The following SEL1L variants were observed in gnomAD, a reference collection of about 807,000 sequenced individuals.
The protein encoded by SEL1L is protein sel-1 homolog 1.
In SEL1L, 52 loss-of-function variants were observed where a neutral mutation model predicts 109.8. The ratio of observed to expected loss-of-function variants is 0.47; its 90% CI spans 0.38 to 0.60. The LOEUF is 0.60. Among genes scored for constraint, SEL1L ranks in the 20% least tolerant of loss-of-function variants. SEL1L has a pLI of 0.00. For synonymous variants in SEL1L, 373 were observed against 339.6 expected (o/e 1.10, Z -1.08); for missense variants, 749 against 962.2 (o/e 0.78, Z 2.93).
At chr14:81,507,165 A>T (rs1446144520) in intron 3 of SEL1L, among the ~76,000 whole-genome samples, 4 of 152,242 alleles carry the variant, frequency 2.6e-5, no homozygotes, top group African/African-American at 9.6e-5. Flanking sequence ...AAGACCTTAC[A>T]TGTCTTAAGG....
chr14:81,526,693 C>T (rs1885126129), intron 3 of SEL1L, 40 bp downstream of exon 3: 2 of 1,508,402 alleles, frequency 1.3e-6, no homozygotes, highest in Non-Finnish European at 1.8e-6. Context: ...TTCAGTTGTC[C>T]CCTAAATAAA....
intron 6 of SEL1L, among the ~76,000 whole-genome samples, chr14:81,501,418 C>A (rs1443054075): frequency 6.6e-6 from 1 of 152,044 alleles, no homozygotes; most frequent in Non-Finnish European, 1.5e-5. Context: ...AGCAGAATAC[C>A]TCTGAAAATA....
chr14:81,479,310 T>C (rs1172569144), intron 20 of SEL1L: 3 of 188,482 alleles, frequency 1.6e-5, no homozygotes, highest in African/African-American at 7.0e-5. Context: ...CTGAATTAAA[T>C]ACTGTTTCAA....
At position 81,491,732 on chromosome 14, in the gene SEL1L, T is replaced by C. The variant is rs141080780; in HGVS notation, c.1254+748A>G. ...ATTCTTCCATGACATATGGAATTTATTTATAAAGTTTCTAGACTTAAATGT... is the reference window on the plus strand; with the variant it reads ...ATTCTTCCATGACATATGGAATTTACTTATAAAGTTTCTAGACTTAAATGT... On this transcript the variant is annotated intron_variant, in intron 12 of 20. Coordinates refer to ENST00000336735, the MANE Select transcript of SEL1L (RefSeq NM_005065.6). Among the ~76,000 whole-genome samples the C allele has an allele frequency of 2.4e-3, 372 of 152,348 alleles. 4 individuals are homozygous for C. Among genetic ancestry groups the C allele is most frequent in the African/African-American group, 8.4e-3 (351 of 41,594 alleles).
chr14:81,480,166 C>T (rs2139981646), intron 19 of SEL1L, among the ~76,000 whole-genome samples: 1 of 152,186 alleles, frequency 6.6e-6, no homozygotes, highest in East Asian at 1.9e-4. Flanking sequence ...GATTTTACAA[C>T]AGATGACAGG....
intron 1 of SEL1L, among the ~76,000 whole-genome samples, chr14:81,530,232 C>A (rs1170948995): frequency 1.3e-5 from 2 of 152,202 alleles, no homozygotes; most frequent in Non-Finnish European, 2.9e-5. Flanking sequence ...CTGTTCTCTG[C>A]TTTAGCTCTA....
At chr14:81,488,209 T>G (rs1389265744) in intron 14 of SEL1L, among the ~76,000 whole-genome samples, 1 of 152,160 alleles carries the variant, frequency 6.6e-6, no homozygotes, top group African/African-American at 2.4e-5. Context: ...TAGTAGAACA[T>G]CAGACCAGGA....
intron 3 of SEL1L, among the ~76,000 whole-genome samples, chr14:81,525,840 G>A (rs1421734775): frequency 2.0e-5 from 3 of 152,060 alleles, no homozygotes; most frequent in African/African-American, 7.2e-5. Flanking sequence ...CTGCAACATA[G>A]AATACACATT....
chr14:81,512,240 T>G (rs1341057613), intron 3 of SEL1L, among the ~76,000 whole-genome samples: 1 of 152,222 alleles, frequency 6.6e-6, no homozygotes, highest in Non-Finnish European at 1.5e-5. Context: ...CTGAGCAGAA[T>G]GAAGACTGAA....
In SEL1L at chr14:81,515,456, C is replaced by G. The variant is rs143996653; in HGVS notation, c.341-9215G>C. On this transcript the variant is annotated intron_variant, in intron 3 of 20. Coordinates refer to ENST00000336735, the MANE Select transcript of SEL1L (RefSeq NM_005065.6). The stretch of plus-strand genomic sequence containing the variant: ...CCTGGTATCTTAGTCAAGTAAATGA[C>G]AGACTGACAGCTGAAGAAAGGGACA... Among the ~76,000 whole-genome samples, 1,501 of 152,272 alleles carry G rather than the reference C, an allele frequency of 9.9e-3. 22 individuals carry two copies. Among genetic ancestry groups the G allele is most frequent in the African/African-American group, 0.034 (1,413 of 41,538 alleles).
chr14:81,492,584 T>A, intron 11 of SEL1L, 36 bp from the exon 12 acceptor site: 1 of 1,387,814 alleles, frequency 7.2e-7, no homozygotes, highest in Middle Eastern at 1.9e-4. Context: ...AATTAGTTTT[T>A]AACAGAATCT....
In SEL1L at chr14:81,526,854, T is replaced by C. The variant is rs779625004; in HGVS notation, c.219A>G (p.Gln73=). Residue 73 remains glutamine (Q), a synonymous_variant, in exon 3 of 21, where the codon CAA becomes CAG. Coordinates refer to ENST00000336735, the MANE Select transcript of SEL1L (RefSeq NM_005065.6). The part of the protein sequence containing the change: ...SEESELESSI[Q]EEEDSLKSQE... ...GGCTCTTGAGGCTGTCTTCCTCTTC[T>C]TGAATAGAGGATTCTAATTCAGATT... 1 of 1,602,034 alleles carries C rather than the reference T, an allele frequency of 6.2e-7. No individual in the cohort carries two copies. The highest frequency in any genetic ancestry group is 8.5e-7 in the Non-Finnish European group (1 of 1,176,014).
intron 3 of SEL1L, 33 bp from the exon 4 acceptor site, chr14:81,506,274 AAAC>A (rs759739354): frequency 3.3e-6 from 5 of 1,526,016 alleles, no homozygotes; most frequent in African/African-American, 2.8e-5. Flanking sequence ...TCTAAACATG[AAAC>A]AACACCTCTG....
At chr14:81,524,793 G>C (rs1232246585) in intron 3 of SEL1L, among the ~76,000 whole-genome samples, 1 of 152,116 alleles carries the variant, frequency 6.6e-6, no homozygotes, top group Non-Finnish European at 1.5e-5. Flanking sequence ...AGAATCTCTT[G>C]AACCCGGGAG....
At chr14:81,479,852 G>A in intron 19 of SEL1L, 112 bp from the exon 20 acceptor site, 2 of 1,032,094 alleles carry the variant, frequency 1.9e-6, no homozygotes, top group Non-Finnish European at 2.7e-6. Flanking sequence ...TTTAAAATGA[G>A]TTTCCCTCAC....
Position 81,527,438 on chromosome 14 carries a change from TACACACACACACACACAC to T in SEL1L, c.108+245_108+262del, listed in dbSNP as rs67777470. Among the ~76,000 whole-genome samples the T allele has an allele frequency of 6.8e-5, 10 of 146,762 alleles. No individual in the cohort carries two copies. In the East Asian group the frequency reaches 1.8e-3, roughly 26 times the overall value. The stretch of plus-strand genomic sequence containing the variant: ...ATGACACAGGTTAAATCTTCAAACT[TACACACACACACACACAC>T]ACACACACACACACACAGAGCACAT... On this transcript the variant is annotated intron_variant, in intron 2 of 20. Coordinates refer to ENST00000336735, the MANE Select transcript of SEL1L (RefSeq NM_005065.6).
At chr14:81,493,284 C>A (rs541675952) in intron 11 of SEL1L, among the ~76,000 whole-genome samples, 97 of 152,134 alleles carry the variant, frequency 6.4e-4, no homozygotes, top group African/African-American at 2.3e-3. Flanking sequence ...CCAAGACGGG[C>A]GAATCACTTG....
intron 9 of SEL1L, 69 bp downstream of exon 9, chr14:81,498,344 A>C (rs966349343): frequency 2.1e-4 from 266 of 1,297,556 alleles, no homozygotes; most frequent in Non-Finnish European, 2.7e-4. Flanking sequence ...GAACAATAAA[A>C]ATAGAAATGT....
Position 81,484,361 on chromosome 14 carries a change from T to C in SEL1L, c.1910A>G (p.His637Arg). The C allele has an allele frequency of 3.1e-6, 5 of 1,614,020 alleles. No homozygotes were observed. Among genetic ancestry groups the C allele is most frequent in the Non-Finnish European group, 4.2e-6 (5 of 1,179,934 alleles). Residue 637 changes from histidine to arginine, a missense_variant, in exon 19 of 21, where the codon CAT becomes CGT. Physicochemically the swap from His to Arg is conservative, Grantham distance 29. Around this residue, in one of 2 missense-constraint regions of SEL1L, gnomAD observed 383 missense variants for 562.5 expected, o/e 0.68. Coordinates refer to ENST00000336735, the MANE Select transcript of SEL1L (RefSeq NM_005065.6). ...TACATCGGTGCCAAACCCATAGAAATGGTAGTCTCCGAGCTTAATTCTAGC... is the reference window on the plus strand; with the variant it reads ...TACATCGGTGCCAAACCCATAGAAACGGTAGTCTCCGAGCTTAATTCTAGC... ...TVARIKLGDY[H>R]FYGFGTDVDY...
Sources: allele counts gnomAD v4.1 joint callset (sites outside exome capture counted in the v4.1 genomes callset), GRCh38; gene constraint gnomAD v4.1.1; regional missense constraint gnomAD v4.1.1; transcripts MANE v1.5; gene names NCBI Gene and HGNC (gene_info 2026-07-23, HGNC 2026-07-21).